The following TEK variants were observed in gnomAD, a reference collection of about 807,000 sequenced individuals.
TEK encodes the protein TEK receptor tyrosine kinase.
Under a neutral mutation model 131.8 loss-of-function variants are expected in TEK, and 43 were observed. The ratio of observed to expected loss-of-function variants is 0.33; its 90% CI spans 0.26 to 0.42. The LOEUF (loss-of-function observed/expected upper bound fraction) is 0.42. Ranked by LOEUF, TEK falls within the 10% of genes least tolerant of loss-of-function variation. The pLI, the probability that TEK is intolerant of heterozygous loss-of-function variation, is 1.00. For missense variants in TEK, 1,162 were observed against 1,384.4 expected (o/e 0.84, Z 2.55); for synonymous variants, 580 against 491.6 (o/e 1.18, Z -2.38).
At chr9:27,143,090 A>C (rs1564056842) in intron 1 of TEK, among the ~76,000 whole-genome samples, 3 of 152,212 alleles carry the variant, frequency 2.0e-5, no homozygotes, top group Non-Finnish European at 1.5e-5. Context: ...TTGAGGGAGC[A>C]TGTACAAAGC....
At chr9:27,126,494 G>A (rs1821995279) in intron 1 of TEK, among the ~76,000 whole-genome samples, 2 of 152,182 alleles carry the variant, frequency 1.3e-5, no homozygotes, top group Non-Finnish European at 2.9e-5. Context: ...GACTGGGAAA[G>A]TGCTTTTGAG....
intron 1 of TEK, among the ~76,000 whole-genome samples, chr9:27,121,494 C>T (rs1821788443): frequency 6.7e-6 from 1 of 148,390 alleles, no homozygotes; most frequent in South Asian, 2.1e-4. Context: ...AATTTATATA[C>T]ATATTTTATT....
At position 27,139,162 on chromosome 9, in the gene TEK, G is replaced by A. The variant is rs551588033; in HGVS notation, c.53-18669G>A. 1.0e-4 allele frequency among the ~76,000 whole-genome samples: 14 copies of A among 134,896 alleles called. No individual in the cohort carries two copies. In the East Asian group the frequency reaches 2.3e-3, roughly 22 times the overall value. 88.5% of individuals were successfully genotyped at this position (134,896 alleles called of 152,430 possible). The stretch of plus-strand genomic sequence containing the variant: ...TGGGAGGCGGAGCTTGCAGTGAGCC[G>A]AGATCACGCCACTGCACTCCAGCCT... On this transcript the variant is annotated intron_variant, in intron 1 of 22. Transcript: ENST00000380036.
At chr9:27,144,564 C>T (rs1822846093) in intron 1 of TEK, among the ~76,000 whole-genome samples, 1 of 152,132 alleles carries the variant, frequency 6.6e-6, no homozygotes, top group African/African-American at 2.4e-5. Context: ...TGGAATTTCA[C>T]CTGGCAAATG....
chr9:27,214,981 A>G (rs1457801876), intron 18 of TEK, among the ~76,000 whole-genome samples: 1 of 151,474 alleles, frequency 6.6e-6, no homozygotes. Context: ...AGCTTTCCCA[A>G]CTCCTCCCTC....
chr9:27,114,475 G>A (rs1821470028), intron 1 of TEK, among the ~76,000 whole-genome samples: 1 of 152,052 alleles, frequency 6.6e-6, no homozygotes, highest in Admixed American at 6.6e-5. Flanking sequence ...GAAGGTTGAG[G>A]CAGGAAAATC....
intron 6 of TEK, among the ~76,000 whole-genome samples, chr9:27,179,264 T>C (rs1243260647): frequency 6.6e-6 from 1 of 152,214 alleles, no homozygotes; most frequent in Non-Finnish European, 1.5e-5. Context: ...TGATTTCAAA[T>C]ATTGTGTTTT....
intron 11 of TEK, 32 bp from the exon 12 acceptor site, chr9:27,197,283 A>G: frequency 1.2e-6 from 2 of 1,610,568 alleles, no homozygotes; most frequent in East Asian, 2.2e-5. Context: ...TCAGCCATAT[A>G]TAAAAATAAT....
intron 12 of TEK, among the ~76,000 whole-genome samples, chr9:27,201,814 C>T (rs1489359227): frequency 6.6e-6 from 1 of 152,188 alleles, no homozygotes; most frequent in Non-Finnish European, 1.5e-5. Flanking sequence ...CCTATGTCTA[C>T]TATTCGCCTA....
At chr9:27,200,610 T>TTGAC (rs3063621) in intron 12 of TEK, among the ~76,000 whole-genome samples, 71,705 of 151,586 alleles carry the variant, frequency 0.47, 17,458 homozygotes, top group Non-Finnish European at 0.51. Context: ...TGTGTTGTCA[T>TTGAC]TGATCATGTA....
rs191010112 is a variant in TEK at position 27,174,220 on chromosome 9, C to T, written c.901+858C>T. On this transcript the variant is annotated intron_variant, in intron 6 of 22. Transcript: ENST00000380036. ...AGAACCTCCCTAATGTATATTAATA[C>T]TGTGAATTAGCCAGAGCTCAAAGGC... Among the ~76,000 whole-genome samples the T allele has an allele frequency of 2.6e-5, 4 of 152,272 alleles. No individual in the cohort carries two copies. The East Asian group carries it at 5.8e-4, about 22-fold the overall frequency.
chr9:27,205,141 C>T, intron 14 of TEK, 76 bp downstream of exon 14: 1 of 1,567,660 alleles, frequency 6.4e-7, no homozygotes. Flanking sequence ...AAGATATGGA[C>T]CAGGAAATTT....
At chr9:27,156,448 A>C (rs757035756) in intron 1 of TEK, among the ~76,000 whole-genome samples, 5 of 151,984 alleles carry the variant, frequency 3.3e-5, no homozygotes, top group Non-Finnish European at 7.4e-5. Context: ...AGGCAGGTAG[A>C]GAAGCCTTCT....
rs560381946 is a variant in TEK at position 27,194,737 on chromosome 9, C to T, written c.1624+2114C>T. On this transcript the variant is annotated intron_variant, in intron 11 of 22. Transcript: ENST00000380036. The stretch of plus-strand genomic sequence containing the variant: ...TCTCTCAGAATATTTCAAAGTAGTT[C>T]TCAGGGGTAGGCGGGAAGGGGATTA... Among the ~76,000 whole-genome samples, 3 of 152,260 alleles carry T rather than the reference C, an allele frequency of 2.0e-5. No homozygotes were observed. In the East Asian group the frequency reaches 5.8e-4, roughly 29 times the overall value.
At chr9:27,155,819 GTTTTT>G (rs11325198) in intron 1 of TEK, among the ~76,000 whole-genome samples, 1 of 139,772 alleles carries the variant, frequency 7.2e-6, no homozygotes, top group Non-Finnish European at 1.6e-5. Context: ...GAGCACTTTT[GTTTTT>G]TTTTTTTTTT....
chr9:27,129,446 A>C (rs1391373644), intron 1 of TEK, among the ~76,000 whole-genome samples: 1 of 152,108 alleles, frequency 6.6e-6, no homozygotes, highest in Non-Finnish European at 1.5e-5. Context: ...TATTCCTGGA[A>C]ATTCCAGTTT....
intron 1 of TEK, among the ~76,000 whole-genome samples, chr9:27,123,863 G>A (rs997102088): frequency 6.6e-6 from 1 of 152,134 alleles, no homozygotes; most frequent in African/African-American, 2.4e-5. Flanking sequence ...TGCAACCTCC[G>A]CCTCTCAGGT....
chr9:27,149,545 A>G (rs901923955), intron 1 of TEK, among the ~76,000 whole-genome samples: 5 of 152,172 alleles, frequency 3.3e-5, no homozygotes, highest in African/African-American at 1.2e-4. Context: ...CTCTTAGCAA[A>G]TATAATCCTG....
intron 12 of TEK, among the ~76,000 whole-genome samples, chr9:27,200,211 T>C (rs1325579098): frequency 1.3e-5 from 2 of 152,172 alleles, no homozygotes; most frequent in East Asian, 3.8e-4. Context: ...CATTGATCTG[T>C]TTGTTCCTGT....
Sources: gnomAD v4.1 joint callset for allele counts (sites outside exome capture counted in the v4.1 genomes callset) on GRCh38, gnomAD v4.1.1 for gene constraint, MANE v1.5 for transcripts, NCBI Gene and HGNC (gene_info 2026-07-23, HGNC 2026-07-21) for gene names.